Variants in ITPR1 observed in about 807,000 individuals in gnomAD.
ITPR1 encodes the protein inositol 1,4,5-trisphosphate-gated calcium channel ITPR1.
A neutral mutation model predicts 318.4 loss-of-function variants in ITPR1; 96 were observed. That is an observed-to-expected ratio of 0.30 (90% CI 0.26 to 0.36). The LOEUF (loss-of-function observed/expected upper bound fraction) is 0.36. ITPR1 is among the 10% of genes least tolerant of loss of function. The pLI is 1.00. For missense variants in ITPR1, 2,440 were observed against 3,460.2 expected, an observed-to-expected ratio of 0.71 and a Z score of 7.40; for synonymous variants, 1,312 against 1,289.9, an observed-to-expected ratio of 1.02 and a Z score of -0.37.
chr3:4,557,020 A>G (rs2086197129), intron 4 of ITPR1, among the ~76,000 whole-genome samples: 1 of 152,212 alleles, frequency 6.6e-6, no homozygotes, highest in African/African-American at 2.4e-5. Flanking sequence ...AGGACAATGT[A>G]GTAAGATTTT....
At chr3:4,639,507 C>A in intron 6 of ITPR1, 37 bp downstream of exon 6, 1 of 1,427,636 alleles carries the variant, frequency 7.0e-7, no homozygotes, top group Non-Finnish European at 9.7e-7. Flanking sequence ...GAAGCTGAAG[C>A]GTTACAAAGA....
At chr3:4,622,529 T>C (rs1474136766) in intron 4 of ITPR1, among the ~76,000 whole-genome samples, 4 of 151,396 alleles carry the variant, frequency 2.6e-5, no homozygotes, top group Non-Finnish European at 5.9e-5. Flanking sequence ...GTTCAAGTGG[T>C]TCTCCTGCCT....
chr3:4,574,619 A>G (rs1307532805), intron 4 of ITPR1, among the ~76,000 whole-genome samples: 1 of 152,130 alleles, frequency 6.6e-6, no homozygotes, highest in Non-Finnish European at 1.5e-5. Context: ...TCCCCCGGCT[A>G]GGTTTGTGAT....
At chr3:4,744,083 G>A (rs962808973) in intron 44 of ITPR1, among the ~76,000 whole-genome samples, 2 of 152,270 alleles carry the variant, frequency 1.3e-5, no homozygotes, top group African/African-American at 4.8e-5. Context: ...TGATCCGCCC[G>A]CCTCAGCCTC....
intron 4 of ITPR1, among the ~76,000 whole-genome samples, chr3:4,592,771 C>T (rs2090493556): frequency 6.6e-6 from 1 of 152,164 alleles, no homozygotes; most frequent in South Asian, 2.1e-4. Context: ...GGTTAAATCC[C>T]ACCAACTCTG....
chr3:4,542,871 C>A (rs536816835), intron 4 of ITPR1, among the ~76,000 whole-genome samples: 3 of 152,148 alleles, frequency 2.0e-5, no homozygotes, highest in African/African-American at 7.2e-5. Flanking sequence ...CACTTCATTG[C>A]GGGCTTCTCT....
chr3:4,500,982 T>C (rs1575317908), intron 2 of ITPR1, among the ~76,000 whole-genome samples: 1 of 152,020 alleles, frequency 6.6e-6, no homozygotes, highest in East Asian at 1.9e-4. Context: ...GTCTCCTGAG[T>C]AGTTGGGACC....
chr3:4,651,584 A>G (rs1251128143), intron 10 of ITPR1, among the ~76,000 whole-genome samples: 2 of 152,208 alleles, frequency 1.3e-5, no homozygotes, highest in South Asian at 2.1e-4. Context: ...CTAGTTGTCT[A>G]TGGCAATTTC....
intron 40 of ITPR1, 35 bp downstream of exon 40, chr3:4,717,434 CATG>C (rs1559761403): frequency 1.9e-6 from 3 of 1,543,568 alleles, no homozygotes; most frequent in Admixed American, 1.7e-5. Flanking sequence ...TTTCATGTCT[CATG>C]GTGGTGTTTC....
chr3:4,764,234 A>G (rs77278871), intron 44 of ITPR1, among the ~76,000 whole-genome samples: 4,427 of 152,328 alleles, frequency 0.029, 88 homozygotes, highest in South Asian at 0.063. Context: ...TGAACAACTG[A>G]AAGTTGCTTT....
intron 4 of ITPR1, among the ~76,000 whole-genome samples, chr3:4,544,579 T>G (rs2084783886): frequency 6.6e-6 from 1 of 152,238 alleles, no homozygotes; most frequent in South Asian, 2.1e-4. Context: ...TGCCTTAGTT[T>G]GGCTAGCTAA....
chr3:4,813,855 G>A (rs2049101031), intron 57 of ITPR1, among the ~76,000 whole-genome samples: 1 of 152,206 alleles, frequency 6.6e-6, no homozygotes, highest in Non-Finnish European at 1.5e-5. Context: ...GTTGGAAGAT[G>A]AGTGATGAAA....
chr3:4,796,631 G>T (rs550908158), intron 53 of ITPR1, among the ~76,000 whole-genome samples: 12 of 152,186 alleles, frequency 7.9e-5, no homozygotes, highest in African/African-American at 2.6e-4. Flanking sequence ...TTTCTTCACC[G>T]GTCATTTGTG....
intron 4 of ITPR1, among the ~76,000 whole-genome samples, chr3:4,552,569 C>T (rs1326054495): frequency 6.6e-6 from 1 of 152,188 alleles, no homozygotes; most frequent in African/African-American, 2.4e-5. Context: ...CCACTATCCT[C>T]CCAGTGGGTG....
At chr3:4,761,552 A>G (rs532409309) in intron 44 of ITPR1, among the ~76,000 whole-genome samples, 1 of 152,308 alleles carries the variant, frequency 6.6e-6, no homozygotes, top group South Asian at 2.1e-4. Context: ...TTCTCTCACC[A>G]TCACCTGATG....
chr3:4,681,556 C>T (rs1164910639), intron 26 of ITPR1, 138 bp downstream of exon 26: 6 of 657,804 alleles, frequency 9.1e-6, no homozygotes, highest in Non-Finnish European at 8.2e-6. Flanking sequence ...ACTGTTAGTA[C>T]TCAAGTCAGA....
intron 44 of ITPR1, chr3:4,749,462 A>G (rs936610271): frequency 2.0e-5 from 3 of 152,196 alleles, no homozygotes; most frequent in Admixed American, 6.5e-5. Context: ...TAATACATTG[A>G]AAACACTGTA....
chr3:4,837,567 TGCTTCGCCCTTATCTTATG>T (rs751333717), intron 61 of ITPR1, among the ~76,000 whole-genome samples: 2 of 151,996 alleles, frequency 1.3e-5, no homozygotes, highest in Non-Finnish European at 2.9e-5. Flanking sequence ...GTAAGATAAA[TGCTTCGCCCTTATCTTATG>T]GATAGGAAGC....
intron 4 of ITPR1, among the ~76,000 whole-genome samples, chr3:4,615,377 T>TTTC (rs1559541992): frequency 1.3e-4 from 15 of 116,946 alleles, no homozygotes; most frequent in African/African-American, 2.1e-4. Flanking sequence ...TTCTTTCTTT[T>TTTC]TTTTTTTTTT....
Sources: gnomAD v4.1 joint callset for allele counts (sites outside exome capture counted in the v4.1 genomes callset) on GRCh38, gnomAD v4.1.1 for gene constraint, MANE v1.5 for transcripts, NCBI Gene and HGNC (gene_info 2026-07-23, HGNC 2026-07-21) for gene names.